Variants in ASTN2 observed in about 807,000 individuals in gnomAD.
ASTN2 encodes the protein astrotactin-2.
ASTN2 carries 54 observed loss-of-function variants against 139.8 expected under a neutral mutation model. The ratio of observed to expected loss-of-function variants is 0.39; its 90% CI spans 0.31 to 0.48. The LOEUF (loss-of-function observed/expected upper bound fraction) is 0.48. Among genes scored for constraint, ASTN2 ranks in the 20% least tolerant of loss-of-function variants. ASTN2 has a pLI of 0.95. For synonymous variants in ASTN2, 756 were observed against 719.5 expected, an observed-to-expected ratio of 1.05 and a Z score of -0.81; for missense variants, 1,565 against 1,725.1, an observed-to-expected ratio of 0.91 and a Z score of 1.64.
intron 17 of ASTN2, among the ~76,000 whole-genome samples, chr9:116,634,650 T>G (rs1343941501): frequency 2.0e-5 from 3 of 147,918 alleles, no homozygotes; most frequent in African/African-American, 7.5e-5. Context: ...CTGTTAGACA[T>G]GCTTATTTAC....
At chr9:117,399,526 G>A (rs987145683) in intron 1 of ASTN2, among the ~76,000 whole-genome samples, 2 of 152,204 alleles carry the variant, frequency 1.3e-5, no homozygotes, top group Admixed American at 6.5e-5. Flanking sequence ...AACTTCGATA[G>A]AGACATACTT....
At chr9:117,224,911 C>A (rs142509683) in intron 2 of ASTN2, among the ~76,000 whole-genome samples, 135 of 152,220 alleles carry the variant, frequency 8.9e-4, no homozygotes, top group African/African-American at 3.1e-3. Context: ...CAGAGCATGC[C>A]GCAGATTGCA....
At chr9:117,292,103 A>G (rs1188021549) in intron 1 of ASTN2, among the ~76,000 whole-genome samples, 1 of 152,170 alleles carries the variant, frequency 6.6e-6, no homozygotes, top group East Asian at 1.9e-4. Flanking sequence ...TATATACTGC[A>G]CTCCCAAGCA....
intron 2 of ASTN2, among the ~76,000 whole-genome samples, chr9:117,276,831 G>C (rs1243959984): frequency 1.3e-5 from 2 of 152,192 alleles, no homozygotes; most frequent in African/African-American, 4.8e-5. Context: ...TCTTGGGCAA[G>C]GCCATTTCAC....
At chr9:117,076,655 A>AT (rs1327373288) in intron 5 of ASTN2, among the ~76,000 whole-genome samples, 1 of 152,068 alleles carries the variant, frequency 6.6e-6, no homozygotes, top group Non-Finnish European at 1.5e-5. Flanking sequence ...ATTCAGGTGA[A>AT]AATGACACCA....
chr9:116,442,443 G>T lies in ASTN2; in HGVS notation c.3598+10C>A. 1 of 1,612,718 alleles carries T rather than the reference G, an allele frequency of 6.2e-7. No individual in the cohort carries two copies. Among genetic ancestry groups the T allele is most frequent in the Non-Finnish European group, 8.5e-7 (1 of 1,178,798 alleles). On this transcript the variant is annotated intron_variant, in intron 21 of 22. Transcript: ENST00000313400. The stretch of plus-strand genomic sequence containing the variant: ...GAGTTACTTTGGAGTTGAAAAACTG[G>T]GTTACCTACCTTCTGCCTTGTTGTC...
intron 20 of ASTN2, among the ~76,000 whole-genome samples, chr9:116,472,034 CCA>C (rs1848828668): frequency 6.6e-6 from 1 of 152,104 alleles, no homozygotes; most frequent in African/African-American, 2.4e-5. Flanking sequence ...GGTTCTAATT[CCA>C]GATTCATTCA....
At chr9:116,550,908 T>C (rs1298707898) in intron 19 of ASTN2, 2 of 152,228 alleles carry the variant, frequency 1.3e-5, no homozygotes, top group African/African-American at 2.4e-5. Context: ...GTCAGCCTTT[T>C]GGCACAATGC....
intron 16 of ASTN2, chr9:116,686,833 C>CT (rs1860247938): frequency 6.5e-7 from 1 of 1,550,310 alleles, no homozygotes; most frequent in Non-Finnish European, 8.7e-7. Flanking sequence ...GTGCAGCTCT[C>CT]TGTCAGAGCA....
In ASTN2 at chr9:117,241,499, C is replaced by T. The variant is rs564095290; in HGVS notation, c.631-26757G>A. On this transcript the variant is annotated intron_variant, in intron 2 of 22. Coordinates refer to ENST00000313400, the MANE Select transcript of ASTN2 (RefSeq NM_001365068.1). ...TGGACTTATGGGGGGCCTGTGGTTA[C>T]GGAATAAAACTGTTCCACCTCAGAT... Among the ~76,000 whole-genome samples the T allele has an allele frequency of 2.8e-3, 427 of 152,250 alleles. 1 individual carries two copies. Among genetic ancestry groups the T allele is most frequent in the Non-Finnish European group, 5.2e-3 (356 of 68,008 alleles).
intron 1 of ASTN2, among the ~76,000 whole-genome samples, chr9:117,360,992 G>T (rs370618246): frequency 6.6e-6 from 1 of 151,962 alleles, no homozygotes; most frequent in Non-Finnish European, 1.5e-5. Context: ...TTAAATCCCC[G>T]AATTATTCTA....
intron 5 of ASTN2, among the ~76,000 whole-genome samples, chr9:117,073,016 G>A (rs1013995884): frequency 7.2e-5 from 11 of 151,818 alleles, no homozygotes; most frequent in Admixed American, 5.3e-4. Flanking sequence ...AGAAAAGGAG[G>A]GATGGAGAAC....
At chr9:117,024,598 T>A (rs1410116376) in intron 6 of ASTN2, among the ~76,000 whole-genome samples, 1 of 151,938 alleles carries the variant, frequency 6.6e-6, no homozygotes, top group East Asian at 1.9e-4. Context: ...TAGAACATAA[T>A]CAGTGTAGTG....
chr9:117,037,565 C>T (rs2132644378), intron 6 of ASTN2, among the ~76,000 whole-genome samples: 1 of 152,306 alleles, frequency 6.6e-6, no homozygotes, highest in South Asian at 2.1e-4. Context: ...TGTAGTATTC[C>T]AAAGCCTGTG....
chr9:116,884,626 C>G (rs1209550947), intron 10 of ASTN2, among the ~76,000 whole-genome samples: 1 of 151,978 alleles, frequency 6.6e-6, no homozygotes, highest in African/African-American at 2.4e-5. Context: ...GGGCCAAGAT[C>G]GTGCCACTGC....
chr9:117,173,684 C>A (rs1001176418), intron 3 of ASTN2, among the ~76,000 whole-genome samples: 3 of 151,760 alleles, frequency 2.0e-5, no homozygotes, highest in African/African-American at 7.3e-5. Context: ...CGCTACATAG[C>A]AAAACTTGAG....
intron 1 of ASTN2, among the ~76,000 whole-genome samples, chr9:117,408,899 A>T (rs1831082887): frequency 6.6e-6 from 1 of 152,196 alleles, no homozygotes; most frequent in African/African-American, 2.4e-5. Flanking sequence ...TTGAGATGGA[A>T]AGAAGTGGGG....
At chr9:117,284,658 C>G (rs1423622777) in intron 2 of ASTN2, among the ~76,000 whole-genome samples, 1 of 152,200 alleles carries the variant, frequency 6.6e-6, no homozygotes, top group Non-Finnish European at 1.5e-5. Context: ...GTTTGTGGTA[C>G]TTTGTTATTG....
chr9:117,005,735 TTCTCTC>T (rs150957099), intron 7 of ASTN2, among the ~76,000 whole-genome samples: 5 of 149,258 alleles, frequency 3.3e-5, no homozygotes, highest in East Asian at 2.0e-4. Context: ...CAGTACATAC[TTCTCTC>T]TCTCTCTCTC....
Sources: gnomAD v4.1 joint callset for allele counts (sites outside exome capture counted in the v4.1 genomes callset) on GRCh38, gnomAD v4.1.1 for gene constraint, MANE v1.5 for transcripts, NCBI Gene and HGNC (gene_info 2026-07-23, HGNC 2026-07-21) for gene names.